Variants in HIPK2 observed in about 807,000 individuals in gnomAD.
HIPK2 encodes the protein homeodomain interacting protein kinase 2, also known as homeodomain-interacting protein kinase 2.
HIPK2 carries 27 observed loss-of-function variants against 113.7 expected under a neutral mutation model. That is an observed-to-expected ratio of 0.24 (90% CI 0.17 to 0.33). HIPK2 has a LOEUF of 0.33. HIPK2 is among the 10% of genes least tolerant of loss of function. The probability of loss-of-function intolerance (pLI) is 1.00; values close to 1 mark genes in which losing one functional copy is unlikely to be tolerated. For missense variants in HIPK2, 1,257 were observed against 1,588.0 expected (o/e 0.79, Z 3.54); for synonymous variants, 631 against 642.2 (o/e 0.98, Z 0.26).
In HIPK2 at chr7:139,625,647, G is replaced by A. The variant is rs575225056; in HGVS notation, c.1619+954C>T. ...CCATCCTCTTCCTCATCCTTCACAG[G>A]CCACTTCCTGGGAGTCTTCCTGGTT... On this transcript the variant is annotated intron_variant, in intron 6 of 14. Transcript: ENST00000406875. Among the ~76,000 whole-genome samples the A allele has an allele frequency of 4.9e-4, 74 of 152,242 alleles. 1 individual carries two copies. Among genetic ancestry groups the A allele is most frequent in the African/African-American group, 1.5e-3 (62 of 41,538 alleles).
intron 1 of HIPK2, among the ~76,000 whole-genome samples, chr7:139,755,152 A>G (rs1445523062): frequency 6.6e-6 from 1 of 152,198 alleles, no homozygotes; most frequent in East Asian, 1.9e-4. Flanking sequence ...AGCCTGGTCA[A>G]CGAGGTGTGA....
chr7:139,710,711 C>T (rs1206939029), intron 2 of HIPK2, among the ~76,000 whole-genome samples: 1 of 152,174 alleles, frequency 6.6e-6, no homozygotes, highest in Non-Finnish European at 1.5e-5. Flanking sequence ...GGATCTGTGT[C>T]CCTACCCAAA....
At chr7:139,744,497 C>T (rs951743434) in intron 1 of HIPK2, among the ~76,000 whole-genome samples, 7 of 152,126 alleles carry the variant, frequency 4.6e-5, no homozygotes, top group African/African-American at 1.7e-4. Flanking sequence ...ACAGTGGTGC[C>T]TGATGTACAA....
chr7:139,575,503 C>T (rs144160395), intron 13 of HIPK2, among the ~76,000 whole-genome samples: 19 of 152,150 alleles, frequency 1.2e-4, no homozygotes, highest in Non-Finnish European at 1.8e-4. Flanking sequence ...GGAGGGTGGT[C>T]GGGGCTGCAT....
intron 12 of HIPK2, among the ~76,000 whole-genome samples, chr7:139,592,434 C>T (rs1352983496): frequency 2.0e-5 from 3 of 152,146 alleles, no homozygotes; most frequent in Non-Finnish European, 4.4e-5. Flanking sequence ...CTTTGGTTTA[C>T]ACACTTAAAA....
intron 9 of HIPK2, among the ~76,000 whole-genome samples, chr7:139,612,572 T>G (rs967126407): frequency 3.3e-5 from 5 of 152,252 alleles, no homozygotes; most frequent in African/African-American, 1.2e-4. Context: ...TAAAGTGCCC[T>G]GGTATAATGA....
At chr7:139,739,585 CAA>C (rs71170914) in intron 1 of HIPK2, among the ~76,000 whole-genome samples, 39 of 126,916 alleles carry the variant, frequency 3.1e-4, no homozygotes, top group Admixed American at 6.2e-4. Flanking sequence ...AGACCCTCTC[CAA>C]AAAAAAAAAA....
rs530352545 is a variant in HIPK2, at chr7:139,716,565, T to C, written c.470A>G (p.Asn157Ser). The C allele has an allele frequency of 3.7e-6, 6 of 1,613,986 alleles. No homozygotes were observed. The highest frequency in any genetic ancestry group is 4.5e-5 in the East Asian group (2 of 44,882). Residue 157 changes from asparagine (N) to serine (S), a missense_variant, in exon 2 of 15, where the codon AAT becomes AGT. By Grantham distance (46) the Asn-to-Ser change is conservative (BLOSUM62 1). Transcript: ENST00000406875. The surrounding 1 kb of genome is among the most constrained non-coding windows in gnomAD (Gnocchi z 9.3). Reference protein sequence around the residue: ...IEEHPPMIQNNASGATVATAT... With the variant: ...IEEHPPMIQNSASGATVATAT... ...AGTGGCGACAGTGGCCCCGCTTGCA[T>C]TATTCTGAATCATGGGTGGATGCTC...
intron 2 of HIPK2, among the ~76,000 whole-genome samples, chr7:139,702,419 G>T (rs1254361789): frequency 1.3e-5 from 2 of 152,212 alleles, no homozygotes; most frequent in Non-Finnish European, 2.9e-5. Context: ...TGCATATCCC[G>T]GGTCGAGCTG....
chr7:139,652,366 G>A (rs193166249), intron 2 of HIPK2, among the ~76,000 whole-genome samples: 49 of 152,280 alleles, frequency 3.2e-4, no homozygotes, highest in Non-Finnish European at 5.9e-4. Flanking sequence ...TGAGCTCGGG[G>A]ACATGATTGG....
At chr7:139,753,587 T>C (rs1374225542) in intron 1 of HIPK2, among the ~76,000 whole-genome samples, 2 of 152,192 alleles carry the variant, frequency 1.3e-5, no homozygotes, top group Non-Finnish European at 2.9e-5. Flanking sequence ...TCCAGCAAGA[T>C]ACAAAAAGCT....
At chr7:139,582,498 G>A (rs1798700484) in intron 13 of HIPK2, among the ~76,000 whole-genome samples, 1 of 152,228 alleles carries the variant, frequency 6.6e-6, no homozygotes, top group Non-Finnish European at 1.5e-5. Flanking sequence ...TCGTCATGAC[G>A]GTACTGTTGG....
At chr7:139,760,335 G>A (rs1215241614) in intron 1 of HIPK2, among the ~76,000 whole-genome samples, 2 of 152,180 alleles carry the variant, frequency 1.3e-5, no homozygotes, top group South Asian at 2.1e-4. Context: ...CTTCAGCCAC[G>A]TAATGCATTA....
chr7:139,605,434 C>T (rs1799587858), intron 9 of HIPK2, among the ~76,000 whole-genome samples: 1 of 152,278 alleles, frequency 6.6e-6, no homozygotes, highest in African/African-American at 2.4e-5. Flanking sequence ...TCTTAGCCAT[C>T]TCTCTTTCTA....
chr7:139,691,790 G>A (rs978819461), intron 2 of HIPK2, among the ~76,000 whole-genome samples: 3 of 152,306 alleles, frequency 2.0e-5, no homozygotes, highest in Admixed American at 1.3e-4. Context: ...GGGATGAAAC[G>A]GAGCTGCTCT....
At chr7:139,707,617 G>A (rs1452543893) in intron 2 of HIPK2, among the ~76,000 whole-genome samples, 4 of 152,218 alleles carry the variant, frequency 2.6e-5, no homozygotes, top group Non-Finnish European at 5.9e-5. Flanking sequence ...TCTACTCGGG[G>A]ACAGCCTCTT....
Position 139,683,899 on chromosome 7 carries a change from T to G in HIPK2, c.1103+32033A>C, listed in dbSNP as rs150160854. 4.6e-5 allele frequency among the ~76,000 whole-genome samples: 7 copies of G among 152,108 alleles called. No homozygotes were observed. The highest frequency in any genetic ancestry group is 1.9e-4 in the East Asian group (1 of 5,186). ...TGGAATTTGGGGAGGGGCATATATA[T>G]AGAGAGACATACCTCATTATATTGC... On this transcript the variant is annotated intron_variant, in intron 2 of 14. Transcript: ENST00000406875. The surrounding 1 kb of genome is among the most constrained non-coding windows in gnomAD (Gnocchi z 4.2).
chr7:139,603,712 G>A (rs1799518992), intron 10 of HIPK2, among the ~76,000 whole-genome samples: 1 of 152,100 alleles, frequency 6.6e-6, no homozygotes, highest in Non-Finnish European at 1.5e-5. Context: ...ACCCTCTTCT[G>A]CATTCTTTCA....
rs1336059802 is a variant in HIPK2 at position 139,671,524 on chromosome 7, AG to A, written c.1104-39800del. 2.0e-5 allele frequency among the ~76,000 whole-genome samples: 3 copies of A among 152,228 alleles called. No homozygotes were observed. In the East Asian group the frequency reaches 5.8e-4, roughly 29 times the overall value. On this transcript the variant is annotated intron_variant, in intron 2 of 14. Coordinates refer to ENST00000406875, the MANE Select transcript of HIPK2 (RefSeq NM_022740.5). ...TCTGATCTGTGTACCAAAATGGATT[AG>A]ACTCATTGGTAGTACTTTCAGTTGA...
Sources: gnomAD v4.1 joint callset for allele counts (sites outside exome capture counted in the v4.1 genomes callset) on GRCh38, gnomAD v4.1.1 for gene constraint, Gnocchi (gnomAD v3.1) non-coding constraint, MANE v1.5 for transcripts, NCBI Gene and HGNC (gene_info 2026-07-23, HGNC 2026-07-21) for gene names.